The following IL13RA1 variants were observed in gnomAD, a reference collection of about 807,000 sequenced individuals.
IL13RA1 encodes the protein interleukin 13 receptor subunit alpha 1, also known as interleukin-13 receptor subunit alpha-1.
In IL13RA1, 14 loss-of-function variants were observed where a neutral mutation model predicts 33.8. The ratio of observed to expected loss-of-function variants is 0.41; its 90% CI spans 0.27 to 0.65. The LOEUF (loss-of-function observed/expected upper bound fraction) is 0.65. Among genes scored for constraint, IL13RA1 ranks in the 30% least tolerant of loss-of-function variants. The pLI, the probability that IL13RA1 is intolerant of heterozygous loss-of-function variation, is 0.28. For missense variants in IL13RA1, 313 were observed against 327.0 expected (o/e 0.96, Z 0.33); for synonymous variants, 116 against 115.7 (o/e 1.00, Z -0.02).
chrX:118,736,604 A>ATTTTG (rs1426562520), intron 1 of IL13RA1, among the ~76,000 whole-genome samples: 1 of 110,563 alleles, frequency 9.0e-6, no homozygotes, highest in Admixed American at 9.7e-5. Flanking sequence ...GTTTTGTTTC[A>ATTTTG]TTTTGTTTTG....
intron 1 of IL13RA1, chrX:118,737,994 G>C (rs1019837321): frequency 8.9e-6 from 1 of 111,880 alleles, no homozygotes; most frequent in Admixed American, 9.5e-5. Context: ...CATTGATATG[G>C]TGTTAGAAAG....
At chrX:118,729,547 C>T in intron 1 of IL13RA1, among the ~76,000 whole-genome samples, 1 of 111,806 alleles carries the variant, frequency 8.9e-6, no homozygotes, top group East Asian at 2.8e-4. Context: ...CTAAGAGCTC[C>T]TCCAGCTCTA....
chrX:118,773,918 T>C lies in IL13RA1; in HGVS notation c.1049T>C (p.Leu350Pro), dbSNP rs896569407. 1 of 1,095,172 alleles carries C rather than the reference T, an allele frequency of 9.1e-7. No homozygotes were observed. The highest frequency in any genetic ancestry group is 1.3e-6 in the Non-Finnish European group (1 of 789,578). 90.3% of individuals were successfully genotyped at this position (1,095,172 alleles called of 1,213,427 possible). Reference sequence around the variant, plus strand: ...TCCACACTCTACATAACCATGTTACTCATTGTTCCAGTCATCGTCGCAGGT... The same window carrying C: ...TCCACACTCTACATAACCATGTTACCCATTGTTCCAGTCATCGTCGCAGGT... ...RNSTLYITML[L>P]IVPVIVAGAI... The change falls in exon 9 of 11, where the codon CTC becomes CCC. Residue 350 changes from leucine (L) to proline (P), a missense_variant. Transcript: ENST00000371666.
At chrX:118,775,314 A>G (rs1030022719) in intron 9 of IL13RA1, among the ~76,000 whole-genome samples, 1 of 111,109 alleles carries the variant, frequency 9.0e-6, no homozygotes, top group African/African-American at 3.3e-5. Context: ...GCGAGGGAGG[A>G]CAGAGGTTGG....
At position 118,761,260 on chromosome X, in the gene IL13RA1, A is replaced by C. The variant is rs764351865; in HGVS notation, c.799A>C (p.Ser267Arg). The C allele has an allele frequency of 9.5e-7, 1 of 1,050,161 alleles. No individual in the cohort carries two copies. The highest frequency in any genetic ancestry group is 2.1e-5 in the South Asian group (1 of 47,748). 86.5% of individuals were successfully genotyped at this position (1,050,161 alleles called of 1,213,427 possible). Reference sequence around the variant, plus strand: ...ATTTTATGAAGTAGAAGTCAATAACAGCCAAACTGAGACACATAATGTTTT... The same window carrying C: ...ATTTTATGAAGTAGAAGTCAATAACCGCCAAACTGAGACACATAATGTTTT... ...CLFYEVEVNN[S>R]QTETHNVFYV... The change falls in exon 6 of 11, where the codon AGC becomes CGC. Residue 267 changes from serine to arginine, a missense_variant. Coordinates refer to ENST00000371666, the MANE Select transcript of IL13RA1 (RefSeq NM_001560.3).
In IL13RA1 at chrX:118,776,549, T is replaced by TTTG; in HGVS notation, c.1191+40_1191+41insGTT. 6.2e-6 allele frequency: 3 copies of TTTG among 480,248 alleles called. No individual in the cohort carries two copies. In the Admixed American group the frequency reaches 1.1e-4, roughly 18 times the overall value. 39.6% of individuals were successfully genotyped at this position (480,248 alleles called of 1,213,427 possible). Reference sequence around the variant, plus strand: ...TTCATGGGGCTTGAAATGTTTTTTTTTTTTTTTTTTTTTGGAAGCTATGGC... The same window carrying TTTG: ...TTCATGGGGCTTGAAATGTTTTTTTTTTGTTTTTTTTTTTTTGGAAGCTATGGC... On this transcript the variant is annotated intron_variant, in intron 10 of 10. Transcript: ENST00000371666.
intron 8 of IL13RA1, among the ~76,000 whole-genome samples, chrX:118,772,667 C>T (rs2017736689): frequency 8.9e-6 from 1 of 112,506 alleles, no homozygotes; most frequent in Admixed American, 9.4e-5. Flanking sequence ...ATTTGTCAGA[C>T]AGAATTCTTC....
chrX:118,734,244 A>G (rs767913199), intron 1 of IL13RA1, among the ~76,000 whole-genome samples: 1 of 112,492 alleles, frequency 8.9e-6, no homozygotes, highest in South Asian at 3.6e-4. Flanking sequence ...CTAATACGTG[A>G]ACATGGGATG....
chrX:118,776,920 T>C (rs2017791560), intron 10 of IL13RA1, among the ~76,000 whole-genome samples: 1 of 108,579 alleles, frequency 9.2e-6, no homozygotes, highest in African/African-American at 3.4e-5. Flanking sequence ...GCCATGATCA[T>C]GCCACTGCAT....
intron 4 of IL13RA1, among the ~76,000 whole-genome samples, chrX:118,752,433 G>A (rs931875079): frequency 1.8e-5 from 2 of 112,058 alleles, no homozygotes; most frequent in Non-Finnish European, 3.8e-5. Context: ...TTGTAGCCTA[G>A]GCCTTTCCTT....
chrX:118,755,058 C>T (rs1436008254), intron 4 of IL13RA1, among the ~76,000 whole-genome samples: 1 of 105,666 alleles, frequency 9.5e-6, no homozygotes, highest in Non-Finnish European at 1.9e-5. Flanking sequence ...CAGTGATTCT[C>T]CAGCCTCAAC....
At chrX:118,737,465 C>T (rs1399757536) in intron 1 of IL13RA1, among the ~76,000 whole-genome samples, 1 of 112,009 alleles carries the variant, frequency 8.9e-6, no homozygotes, top group East Asian at 2.8e-4. Flanking sequence ...GTGCTTCCTA[C>T]TCTTGCCTTA....
intron 3 of IL13RA1, 57 bp downstream of exon 3, chrX:118,747,149 T>A: frequency 1.4e-6 from 1 of 725,714 alleles, no homozygotes; most frequent in Non-Finnish European, 2.1e-6. Context: ...AATGCTCCAA[T>A]GCTTTTGTGC....
At chrX:118,776,541 GTTTT>G (rs5903529) in intron 10 of IL13RA1, 30 bp downstream of exon 10, 132 of 219,219 alleles carry the variant, frequency 6.0e-4, no homozygotes, top group Admixed American at 8.6e-4. Flanking sequence ...GGCTTGAAAT[GTTTT>G]TTTTTTTTTT....
chrX:118,766,057 A>C (rs972989561), intron 6 of IL13RA1, among the ~76,000 whole-genome samples: 2 of 111,916 alleles, frequency 1.8e-5, no homozygotes, highest in Admixed American at 1.9e-4. Flanking sequence ...CACTCTATGC[A>C]TTGCCTGTTT....
At chrX:118,735,159 A>G (rs1344495420) in intron 1 of IL13RA1, among the ~76,000 whole-genome samples, 2 of 110,408 alleles carry the variant, frequency 1.8e-5, no homozygotes. Flanking sequence ...ATTTTTGAAA[A>G]TGAGTAAAGT....
chrX:118,743,439 G>T (rs2017367783), intron 2 of IL13RA1, among the ~76,000 whole-genome samples: 1 of 111,561 alleles, frequency 9.0e-6, no homozygotes, highest in Non-Finnish European at 1.9e-5. Flanking sequence ...GAAAAGAAAA[G>T]ATTAGTGTAA....
chrX:118,751,756 G>A (rs2147375912), intron 4 of IL13RA1, among the ~76,000 whole-genome samples: 1 of 110,710 alleles, frequency 9.0e-6, no homozygotes, highest in Admixed American at 9.6e-5. Context: ...TGAGAGAATG[G>A]GATGTGGAGA....
At chrX:118,755,932 A>C (rs1373825265) in intron 4 of IL13RA1, among the ~76,000 whole-genome samples, 1 of 111,675 alleles carries the variant, frequency 9.0e-6, no homozygotes, top group Non-Finnish European at 1.9e-5. Flanking sequence ...TGTACTACCT[A>C]TTGAAGGAAA....
Sources: allele counts gnomAD v4.1 joint callset (sites outside exome capture counted in the v4.1 genomes callset), GRCh38; gene constraint gnomAD v4.1.1; transcripts MANE v1.5; gene names NCBI Gene and HGNC (gene_info 2026-07-23, HGNC 2026-07-21).